The following VAV3 variants were observed in gnomAD, a reference collection of about 807,000 sequenced individuals.
VAV3 encodes guanine nucleotide exchange factor VAV3.
In VAV3, 94 loss-of-function variants were observed where a neutral mutation model predicts 131.2. The observed-to-expected ratio is 0.72, with a 90% CI of 0.61 to 0.85. VAV3 has a LOEUF of 0.85. VAV3 is among the 40% of genes least tolerant of loss of function. The probability of loss-of-function intolerance (pLI) is 0.00; values close to 1 mark genes in which losing one functional copy is unlikely to be tolerated. For synonymous variants in VAV3, 349 were observed against 342.0 expected, an observed-to-expected ratio of 1.02 and a Z score of -0.22; for missense variants, 939 against 1,002.7, an observed-to-expected ratio of 0.94 and a Z score of 0.86.
Position 107,705,010 on chromosome 1 carries a change from C to T in VAV3, c.1554G>A (p.Met518Ile). Residue 518 changes from methionine to isoleucine, a missense_variant, in exon 16 of 27, where the codon ATG (methionine) becomes ATA (isoleucine). By Grantham distance (10) the Met-to-Ile change is conservative (BLOSUM62 1). Coordinates refer to ENST00000370056, the MANE Select transcript of VAV3 (RefSeq NM_006113.5). The stretch of plus-strand genomic sequence containing the variant: ...AGGATGTGACTCGAGTGAAGGTATG[C>T]ATCTTGAAGTCGTGGAAATTGGAGT... ...YADSNFHDFKMHTFTRVTSCK... is the reference protein window; with the variant it reads ...YADSNFHDFKIHTFTRVTSCK... The T allele has an allele frequency of 6.2e-7, 1 of 1,613,780 alleles. No individual in the cohort carries two copies. The highest frequency in any genetic ancestry group is 8.5e-7 in the Non-Finnish European group (1 of 1,179,864).
chr1:107,858,367 T>C (rs1438011807), intron 2 of VAV3, among the ~76,000 whole-genome samples: 1 of 142,768 alleles, frequency 7.0e-6, no homozygotes, highest in East Asian at 1.9e-4. Context: ...ATTTTAACTA[T>C]TATATTTCTT....
rs1460198198 is a variant in VAV3, at chr1:107,596,199, T to C, written c.2350+13A>G. The C allele has an allele frequency of 3.7e-6, 6 of 1,604,916 alleles. No homozygotes were observed. The highest frequency in any genetic ancestry group is 5.1e-6 in the Non-Finnish European group (6 of 1,177,066). ...AAGTGACAGCAAATTGTATTCTCAATTACAATACTTACAGCTGTTGCCTGC... is the reference window on the plus strand; with the variant it reads ...AAGTGACAGCAAATTGTATTCTCAACTACAATACTTACAGCTGTTGCCTGC... On this transcript the variant is annotated intron_variant, in intron 25 of 26. Coordinates refer to ENST00000370056, the MANE Select transcript of VAV3 (RefSeq NM_006113.5).
chr1:107,687,402 A>G (rs1659107179), intron 18 of VAV3, among the ~76,000 whole-genome samples: 2 of 152,176 alleles, frequency 1.3e-5, no homozygotes, highest in African/African-American at 2.4e-5. Flanking sequence ...TCACTTTTAA[A>G]GAGAGGTTTT....
intron 2 of VAV3, among the ~76,000 whole-genome samples, chr1:107,800,589 T>C (rs946449546): frequency 2.0e-5 from 3 of 152,208 alleles, no homozygotes; most frequent in Non-Finnish European, 4.4e-5. Flanking sequence ...TACATGGGAA[T>C]ATTGCATGAT....
At chr1:107,823,680 C>G (rs1364178356) in intron 2 of VAV3, among the ~76,000 whole-genome samples, 2 of 152,090 alleles carry the variant, frequency 1.3e-5, no homozygotes, top group African/African-American at 4.8e-5. Context: ...ATGTTGAAGC[C>G]CTAAACCCCA....
intron 1 of VAV3, among the ~76,000 whole-genome samples, chr1:107,899,103 A>G (rs1316495545): frequency 6.6e-6 from 1 of 152,202 alleles, no homozygotes; most frequent in Non-Finnish European, 1.5e-5. Context: ...CTGAGAGGGC[A>G]CAAAGAATAA....
intron 15 of VAV3, among the ~76,000 whole-genome samples, chr1:107,721,198 T>C (rs1466510444): frequency 1.3e-5 from 2 of 152,138 alleles, no homozygotes; most frequent in African/African-American, 4.8e-5. Flanking sequence ...GGAATTCAAA[T>C]AGATTTGGAC....
At chr1:107,817,827 C>G (rs1448893643) in intron 2 of VAV3, among the ~76,000 whole-genome samples, 1 of 152,062 alleles carries the variant, frequency 6.6e-6, no homozygotes, top group African/African-American at 2.4e-5. Context: ...AAAAAAAAGG[C>G]AAGAAACTCA....
chr1:107,904,391 A>G (rs1440862239), intron 1 of VAV3, among the ~76,000 whole-genome samples: 3 of 152,218 alleles, frequency 2.0e-5, no homozygotes, highest in Non-Finnish European at 4.4e-5. Context: ...CTTTTCTAGT[A>G]TGCATCTCAC....
At chr1:107,599,620 G>A (rs967771402) in intron 24 of VAV3, among the ~76,000 whole-genome samples, 6 of 152,004 alleles carry the variant, frequency 3.9e-5, no homozygotes, top group Non-Finnish European at 7.4e-5. Flanking sequence ...TGAATTTAAT[G>A]ACTAAGAAAG....
chr1:107,865,175 G>T (rs1460625040), intron 2 of VAV3, among the ~76,000 whole-genome samples: 1 of 152,144 alleles, frequency 6.6e-6, no homozygotes, highest in Non-Finnish European at 1.5e-5. Context: ...AGTTTTACTT[G>T]ATCTCAAAGT....
At chr1:107,904,627 A>C (rs1394525437) in intron 1 of VAV3, among the ~76,000 whole-genome samples, 2 of 152,270 alleles carry the variant, frequency 1.3e-5, no homozygotes, top group Middle Eastern at 3.4e-3. Flanking sequence ...TATAAATGTT[A>C]CTCAACTTCA....
At chr1:107,764,127 C>CA (rs1193729136) in intron 9 of VAV3, among the ~76,000 whole-genome samples, 2 of 149,210 alleles carry the variant, frequency 1.3e-5, no homozygotes, top group African/African-American at 5.0e-5. Context: ...ACATGATGTA[C>CA]AAAAAAACAC....
At chr1:107,904,724 G>C (rs910282849) in intron 1 of VAV3, among the ~76,000 whole-genome samples, 2 of 152,172 alleles carry the variant, frequency 1.3e-5, no homozygotes, top group East Asian at 1.9e-4. Flanking sequence ...ATATAGATCA[G>C]TAAACTAAAA....
At chr1:107,850,581 G>A (rs1669172171) in intron 2 of VAV3, among the ~76,000 whole-genome samples, 1 of 151,918 alleles carries the variant, frequency 6.6e-6, no homozygotes, top group African/African-American at 2.4e-5. Context: ...AGGGGTGGGG[G>A]GCAAGGGGAG....
At chr1:107,787,008 C>A (rs1367030476) in intron 2 of VAV3, among the ~76,000 whole-genome samples, 2 of 152,070 alleles carry the variant, frequency 1.3e-5, no homozygotes, top group African/African-American at 4.8e-5. Flanking sequence ...CATACACACA[C>A]AAAAACACAT....
chr1:107,754,207 C>G (rs1663956907), intron 12 of VAV3, among the ~76,000 whole-genome samples: 1 of 152,034 alleles, frequency 6.6e-6, no homozygotes, highest in African/African-American at 2.4e-5. Flanking sequence ...TTGACTGAAT[C>G]TTGAAGACAA....
At chr1:107,727,630 A>C (rs936599982) in intron 15 of VAV3, among the ~76,000 whole-genome samples, 9 of 152,224 alleles carry the variant, frequency 5.9e-5, no homozygotes, top group Admixed American at 5.2e-4. Context: ...TCAAGTATTC[A>C]GATTGTCAAC....
At chr1:107,624,407 T>C (rs980107666) in intron 20 of VAV3, among the ~76,000 whole-genome samples, 3 of 121,636 alleles carry the variant, frequency 2.5e-5, no homozygotes, top group Admixed American at 8.7e-5. Context: ...TGTGTGTGTG[T>C]GTGTGTGAAA....
Sources: gnomAD v4.1 joint callset for allele counts (sites outside exome capture counted in the v4.1 genomes callset) on GRCh38, gnomAD v4.1.1 for gene constraint, MANE v1.5 for transcripts, NCBI Gene and HGNC (gene_info 2026-07-23, HGNC 2026-07-21) for gene names.